The following RTN1 variants were observed in gnomAD, a reference collection of about 807,000 sequenced individuals.
RTN1 encodes reticulon-1.
In RTN1, 25 loss-of-function variants were observed where a neutral mutation model predicts 65.5. That is an observed-to-expected ratio of 0.38 (90% confidence interval 0.28 to 0.53). The LOEUF is 0.53. Ranked by LOEUF, RTN1 falls within the 20% of genes least tolerant of loss-of-function variation. The pLI is 0.79. For synonymous variants in RTN1, 471 were observed against 447.6 expected, an observed-to-expected ratio of 1.05 and a Z score of -0.66; for missense variants, 983 against 1,025.4, an observed-to-expected ratio of 0.96 and a Z score of 0.57.
chr14:59,658,120 A>G (rs1239497128), intron 3 of RTN1, among the ~76,000 whole-genome samples: 1 of 152,230 alleles, frequency 6.6e-6, no homozygotes, highest in Non-Finnish European at 1.5e-5. Flanking sequence ...GTGTAAACAA[A>G]GCCGAGCCTC....
intron 3 of RTN1, among the ~76,000 whole-genome samples, chr14:59,650,051 C>A (rs1882989679): frequency 6.6e-6 from 1 of 152,172 alleles, no homozygotes; most frequent in African/African-American, 2.4e-5. Context: ...ACATATACAC[C>A]ATGGAATACT....
chr14:59,605,329 C>T, intron 5 of RTN1, 39 bp downstream of exon 5: 1 of 1,583,986 alleles, frequency 6.3e-7, no homozygotes, highest in African/African-American at 1.4e-5. Flanking sequence ...GGGAAAATAA[C>T]AGTCAAGACT....
intron 8 of RTN1, among the ~76,000 whole-genome samples, chr14:59,599,052 T>C (rs1392441515): frequency 1.3e-5 from 2 of 152,218 alleles, no homozygotes; most frequent in Admixed American, 1.3e-4. Flanking sequence ...ATTTAGACTT[T>C]GTACTCCTAC....
chr14:59,609,773 A>G (rs1464475260), intron 3 of RTN1, among the ~76,000 whole-genome samples: 1 of 152,196 alleles, frequency 6.6e-6, no homozygotes, highest in Non-Finnish European at 1.5e-5. Context: ...CTGAAGTGTT[A>G]CCTCTTACAC....
intron 2 of RTN1, among the ~76,000 whole-genome samples, chr14:59,734,453 T>C (rs541554948): frequency 5.3e-5 from 8 of 152,238 alleles, no homozygotes; most frequent in African/African-American, 1.4e-4. Flanking sequence ...TAAAGGAGCA[T>C]GTGGTAACCA....
chr14:59,717,227 G>A (rs1161003256), intron 3 of RTN1, among the ~76,000 whole-genome samples: 2 of 152,200 alleles, frequency 1.3e-5, no homozygotes, highest in Non-Finnish European at 2.9e-5. Context: ...GCTTTTGCAA[G>A]TGCTTTGTAG....
chr14:59,718,351 T>A lies in RTN1; in HGVS notation c.1765+8568A>T, dbSNP rs185670791. On this transcript the variant is annotated intron_variant, in intron 3 of 8. Transcript: ENST00000267484. The stretch of plus-strand genomic sequence containing the variant: ...GAAGCCCCAGTTTGAGTATCTACTT[T>A]AAAGCTGCCTTCGCTCTAACTTTAG... 4.6e-5 allele frequency among the ~76,000 whole-genome samples: 7 copies of A among 152,374 alleles called. No homozygotes were observed. The East Asian group carries it at 1.3e-3, about 29-fold the overall frequency.
At chr14:59,864,552 GA>G (rs56409250) in intron 1 of RTN1, among the ~76,000 whole-genome samples, 1 of 150,338 alleles carries the variant, frequency 6.7e-6, no homozygotes, top group South Asian at 2.1e-4. Flanking sequence ...CCCCCACCAA[GA>G]AAAAAAAAGT....
Position 59,845,967 on chromosome 14 carries a change from G to A in RTN1, c.241+24423C>T, listed in dbSNP as rs141310988. ...TACATATCCGCACTATAGTAGATTA[G>A]GAACAGCAGAAGCTTGAACTCTAAA... On this transcript the variant is annotated intron_variant, in intron 1 of 8. Transcript: ENST00000267484. Among the ~76,000 whole-genome samples the A allele has an allele frequency of 1.5e-3, 226 of 152,264 alleles. 2 individuals are homozygous for A. The highest frequency in any genetic ancestry group is 4.4e-4 in the Non-Finnish European group (30 of 68,016).
chr14:59,629,910 C>G (rs1004850291), intron 3 of RTN1, among the ~76,000 whole-genome samples: 1 of 152,186 alleles, frequency 6.6e-6, no homozygotes, highest in African/African-American at 2.4e-5. Context: ...TATGTGGCTA[C>G]GCCATCATAT....
rs1887869451 is a variant in RTN1, at chr14:59,870,153, G to A, written c.241+237C>T. On this transcript the variant is annotated intron_variant, in intron 1 of 8. Coordinates refer to ENST00000267484, the MANE Select transcript of RTN1 (RefSeq NM_021136.3). The surrounding 1 kb of genome is among the most constrained non-coding windows in gnomAD (Gnocchi z 5.1). ...CAATTTTTAAAGCGGAAATAATCAT[G>A]ATAATGAAATAAAAGGATCAAAAGC... Among the ~76,000 whole-genome samples, 1 of 152,226 alleles carries A rather than the reference G, an allele frequency of 6.6e-6. No homozygotes were observed. Among genetic ancestry groups the A allele is most frequent in the Admixed American group, 6.5e-5 (1 of 15,294 alleles).
At chr14:59,646,065 T>A (rs1341790045) in intron 3 of RTN1, among the ~76,000 whole-genome samples, 1 of 151,748 alleles carries the variant, frequency 6.6e-6, no homozygotes, top group East Asian at 1.9e-4. Flanking sequence ...AAACTAACAA[T>A]CAAAATAAAA....
intron 3 of RTN1, among the ~76,000 whole-genome samples, chr14:59,710,228 G>C (rs1884388877): frequency 6.6e-6 from 1 of 151,414 alleles, no homozygotes; most frequent in African/African-American, 2.4e-5. Context: ...TCTTTTTTTT[G>C]TAAAGATGGG....
rs146958248 is a variant in RTN1, at chr14:59,710,187, C to T, written c.1765+16732G>A. ...CCTTCTGAGAATTTGGGAGTACAGG[C>T]GTGCACCACCATACCTGGCCAATTT... On this transcript the variant is annotated intron_variant, in intron 3 of 8. Coordinates refer to ENST00000267484, the MANE Select transcript of RTN1 (RefSeq NM_021136.3). Among the ~76,000 whole-genome samples, 522 of 152,020 alleles carry T rather than the reference C, an allele frequency of 3.4e-3. 4 individuals carry two copies. Among genetic ancestry groups the T allele is most frequent in the African/African-American group, 0.012 (506 of 41,422 alleles).
At chr14:59,686,043 CA>C (rs952276327) in intron 3 of RTN1, among the ~76,000 whole-genome samples, 4 of 152,272 alleles carry the variant, frequency 2.6e-5, no homozygotes, top group African/African-American at 9.6e-5. Context: ...CAATTTTTGA[CA>C]AAGGTGCCAG....
chr14:59,829,242 T>A lies in RTN1; in HGVS notation c.241+41148A>T, dbSNP rs1887085191. 6.6e-6 allele frequency among the ~76,000 whole-genome samples: 1 copy of A among 152,202 alleles called. No individual in the cohort carries two copies. The highest frequency in any genetic ancestry group is 6.5e-5 in the Admixed American group (1 of 15,284). ...ATGTACTCTCTTAGGGAGCCTGTGATCTGGCAGATGAGCAATAAAAATATA... is the reference window on the plus strand; with the variant it reads ...ATGTACTCTCTTAGGGAGCCTGTGAACTGGCAGATGAGCAATAAAAATATA... On this transcript the variant is annotated intron_variant, in intron 1 of 8. Coordinates refer to ENST00000267484, the MANE Select transcript of RTN1 (RefSeq NM_021136.3). The surrounding 1 kb of genome is among the most constrained non-coding windows in gnomAD (Gnocchi z 4.3).
intron 3 of RTN1, among the ~76,000 whole-genome samples, chr14:59,611,106 C>G (rs1349250487): frequency 6.6e-6 from 1 of 152,218 alleles, no homozygotes; most frequent in Admixed American, 6.5e-5. Flanking sequence ...ACACAGCCGG[C>G]TCTGTGTGAA....
At chr14:59,691,574 C>G (rs967379801) in intron 3 of RTN1, among the ~76,000 whole-genome samples, 3 of 152,094 alleles carry the variant, frequency 2.0e-5, no homozygotes, top group African/African-American at 7.2e-5. Flanking sequence ...TCCTCCCTAA[C>G]TCATTCTATA....
At chr14:59,777,828 A>ACAACAACAAC (rs1566723773) in intron 1 of RTN1, among the ~76,000 whole-genome samples, 5 of 149,862 alleles carry the variant, frequency 3.3e-5, no homozygotes, top group African/African-American at 9.9e-5. Flanking sequence ...ACAACAAAAA[A>ACAACAACAAC]AAAAAACAAA....
Sources: allele counts gnomAD v4.1 joint callset (sites outside exome capture counted in the v4.1 genomes callset), GRCh38; gene constraint gnomAD v4.1.1; non-coding constraint Gnocchi (gnomAD v3.1); transcripts MANE v1.5; gene names NCBI Gene and HGNC (gene_info 2026-07-23, HGNC 2026-07-21).